Variants in GRM5 observed in about 807,000 individuals in gnomAD.
GRM5 encodes metabotropic glutamate receptor 5.
In GRM5, 19 loss-of-function variants were observed where a neutral mutation model predicts 83.1. That is an observed-to-expected ratio of 0.23 (90% CI 0.16 to 0.34). The LOEUF (loss-of-function observed/expected upper bound fraction) is 0.34. Among genes scored for constraint, GRM5 ranks in the 10% least tolerant of loss-of-function variants. The pLI is 1.00. For missense variants in GRM5, 1,160 were observed against 1,588.3 expected, an observed-to-expected ratio of 0.73 and a Z score of 4.58; for synonymous variants, 675 against 633.6, an observed-to-expected ratio of 1.07 and a Z score of -0.98.
intron 5 of GRM5, among the ~76,000 whole-genome samples, chr11:88,600,300 C>A (rs1415895187): frequency 4.6e-5 from 6 of 131,426 alleles, no homozygotes; most frequent in Non-Finnish European, 8.2e-5. Flanking sequence ...CCCACCCCTT[C>A]CCCCTCTCCC....
At chr11:89,034,042 A>T (rs1941325677) in intron 2 of GRM5, among the ~76,000 whole-genome samples, 1 of 25,594 alleles carries the variant, frequency 3.9e-5, no homozygotes, top group Non-Finnish European at 8.9e-5. Context: ...AGATAATTAG[A>T]TAATTATTAT....
chr11:88,718,550 C>G (rs1474373302), intron 3 of GRM5, among the ~76,000 whole-genome samples: 1 of 151,836 alleles, frequency 6.6e-6, no homozygotes, highest in Non-Finnish European at 1.5e-5. Context: ...GAGGAGGAAA[C>G]ATATTTTATT....
At chr11:88,986,956 G>A (rs1939739120) in intron 2 of GRM5, among the ~76,000 whole-genome samples, 1 of 151,920 alleles carries the variant, frequency 6.6e-6, no homozygotes, top group African/African-American at 2.4e-5. Flanking sequence ...GGGAGGCTGA[G>A]GTGGGTGGAT....
intron 3 of GRM5, among the ~76,000 whole-genome samples, chr11:88,829,872 A>G (rs1342202796): frequency 6.6e-6 from 1 of 152,164 alleles, no homozygotes; most frequent in Non-Finnish European, 1.5e-5. Flanking sequence ...CGGCAAATTT[A>G]GCATAATCAA....
At chr11:88,910,878 A>G (rs1304581303) in intron 2 of GRM5, among the ~76,000 whole-genome samples, 1 of 151,994 alleles carries the variant, frequency 6.6e-6, no homozygotes, top group African/African-American at 2.4e-5. Context: ...GTCCTAAAAT[A>G]TGCAACCCAA....
intron 6 of GRM5, among the ~76,000 whole-genome samples, chr11:88,596,410 T>C (rs1303192860): frequency 1.3e-5 from 2 of 152,184 alleles, no homozygotes; most frequent in African/African-American, 4.8e-5. Flanking sequence ...ATTCTCTGAC[T>C]CCAGTTTAAT....
rs143115301 is a variant in GRM5 at position 88,582,857 on chromosome 11, C to A, written c.1690+7744G>T. 1.7e-3 allele frequency among the ~76,000 whole-genome samples: 251 copies of A among 151,962 alleles called. 1 individual carries two copies. The highest frequency in any genetic ancestry group is 5.9e-3 in the African/African-American group (245 of 41,456). On this transcript the variant is annotated intron_variant, in intron 7 of 9. Transcript: ENST00000305447. The stretch of plus-strand genomic sequence containing the variant: ...TCTATAATTTCCTGAAAATATGGGG[C>A]TCTAAAATGTGATTGTGGAGAGAGA...
chr11:88,570,571 A>ATATATTTTTTT (rs1405339448), intron 7 of GRM5, among the ~76,000 whole-genome samples: 1 of 46,378 alleles, frequency 2.2e-5, no homozygotes, highest in African/African-American at 1.3e-4. Flanking sequence ...ATATATATAT[A>ATATATTTTTTT]TTTTTTTTTT....
At chr11:88,882,198 C>G (rs1262866502) in intron 2 of GRM5, among the ~76,000 whole-genome samples, 1 of 151,206 alleles carries the variant, frequency 6.6e-6, no homozygotes, top group Non-Finnish European at 1.5e-5. Context: ...GATTCTGCCA[C>G]TGCACTCCAG....
intron 2 of GRM5, among the ~76,000 whole-genome samples, chr11:88,926,758 T>G (rs1011102886): frequency 3.9e-5 from 6 of 152,182 alleles, no homozygotes; most frequent in Non-Finnish European, 7.4e-5. Context: ...CAATCTAAGA[T>G]CCACCAAAAT....
intron 3 of GRM5, among the ~76,000 whole-genome samples, chr11:88,789,591 C>A (rs1231143243): frequency 6.6e-6 from 1 of 152,046 alleles, no homozygotes; most frequent in African/African-American, 2.4e-5. Context: ...TGAACCTTAT[C>A]TTTTAGAATG....
At chr11:88,720,666 A>G (rs1468853136) in intron 3 of GRM5, among the ~76,000 whole-genome samples, 2 of 152,074 alleles carry the variant, frequency 1.3e-5, no homozygotes, top group Non-Finnish European at 2.9e-5. Flanking sequence ...AAATGAACAC[A>G]TTTTAGAAAA....
chr11:88,987,931 G>C lies in GRM5; in HGVS notation c.661+59281C>G, dbSNP rs557170162. 2.1e-4 allele frequency among the ~76,000 whole-genome samples: 31 copies of C among 150,668 alleles called. No individual in the cohort carries two copies. The East Asian group carries it at 5.1e-3, about 25-fold the overall frequency. ...GGGAAAAAACAGAACAGAAAAACTG[G>C]AAACTCTAAAAAGCAGAGGGCCTCT... On this transcript the variant is annotated intron_variant, in intron 2 of 9. Transcript: ENST00000305447.
intron 3 of GRM5, among the ~76,000 whole-genome samples, chr11:88,681,976 C>T (rs976359060): frequency 1.3e-5 from 2 of 151,980 alleles, no homozygotes; most frequent in African/African-American, 2.4e-5. Flanking sequence ...CTGTAGCCAC[C>T]GACTATACTA....
At chr11:89,010,462 C>T (rs941216430) in intron 2 of GRM5, among the ~76,000 whole-genome samples, 15 of 152,016 alleles carry the variant, frequency 9.9e-5, no homozygotes, top group African/African-American at 3.6e-4. Context: ...TTTAAATGCC[C>T]AAGGATCACA....
chr11:88,788,384 T>G (rs1448253493), intron 3 of GRM5, among the ~76,000 whole-genome samples: 1 of 151,948 alleles, frequency 6.6e-6, no homozygotes, highest in Admixed American at 6.6e-5. Flanking sequence ...ACAGCGGGAA[T>G]AAAGTCAAAG....
chr11:88,673,688 A>C (rs1940248511), intron 3 of GRM5, among the ~76,000 whole-genome samples: 1 of 151,830 alleles, frequency 6.6e-6, no homozygotes, highest in Non-Finnish European at 1.5e-5. Context: ...CAAATGGTTT[A>C]ACTGTACTGG....
intron 2 of GRM5, among the ~76,000 whole-genome samples, chr11:89,020,126 A>G (rs1466743108): frequency 2.0e-5 from 3 of 152,262 alleles, no homozygotes; most frequent in African/African-American, 7.2e-5. Context: ...TACCTTATCT[A>G]ATTTAATTTA....
At chr11:88,780,506 C>T (rs11021304) in intron 3 of GRM5, among the ~76,000 whole-genome samples, 41,618 of 151,848 alleles carry the variant, frequency 0.27, 6,856 homozygotes, top group Non-Finnish European at 0.38. Context: ...ATCTTCTCAA[C>T]TGAAAAATGG....
Sources: allele counts gnomAD v4.1 joint callset (sites outside exome capture counted in the v4.1 genomes callset), GRCh38; gene constraint gnomAD v4.1.1; transcripts MANE v1.5; gene names NCBI Gene and HGNC (gene_info 2026-07-23, HGNC 2026-07-21).